The following LAMA1 variants were observed in gnomAD, a reference collection of about 807,000 sequenced individuals.
LAMA1 encodes laminin subunit alpha 1.
In LAMA1, 219 loss-of-function variants were observed where a neutral mutation model predicts 348.7. That is an observed-to-expected ratio of 0.63 (90% CI 0.56 to 0.70). LAMA1 has a LOEUF of 0.70. Ranked by LOEUF, LAMA1 falls within the 30% of genes least tolerant of loss-of-function variation. The pLI, the probability that LAMA1 is intolerant of heterozygous loss-of-function variation, is 0.00. For missense variants in LAMA1, 3,744 were observed against 3,888.0 expected (o/e 0.96, Z 0.99); for synonymous variants, 1,487 against 1,491.0 (o/e 1.00, Z 0.06).
chr18:6,985,065 TG>T (rs375079640), intron 39 of LAMA1, among the ~76,000 whole-genome samples, 171 bp downstream of exon 39: 87 of 152,334 alleles, frequency 5.7e-4, no homozygotes, highest in African/African-American at 2.0e-3. Context: ...TGTAGGCCAA[TG>T]GTAAACTATG....
intron 3 of LAMA1, among the ~76,000 whole-genome samples, chr18:7,074,631 T>C (rs2058159528): frequency 6.6e-6 from 1 of 152,186 alleles, no homozygotes; most frequent in Non-Finnish European, 1.5e-5. Context: ...TATATGTTAA[T>C]TTTGTATTTG....
At chr18:7,028,354 A>G (rs566074903) in intron 16 of LAMA1, among the ~76,000 whole-genome samples, 2 of 152,366 alleles carry the variant, frequency 1.3e-5, no homozygotes, top group African/African-American at 4.8e-5. Context: ...CAAAGTGTTC[A>G]AACCCAGGGA....
intron 32 of LAMA1, 46 bp downstream of exon 32, chr18:6,999,399 T>C: frequency 6.3e-7 from 1 of 1,598,328 alleles, no homozygotes; most frequent in Non-Finnish European, 8.6e-7. Context: ...CCCGACACAT[T>C]TGGGAGGAAA....
intron 61 of LAMA1, among the ~76,000 whole-genome samples, chr18:6,943,843 C>CAA (rs61710961): frequency 5.9e-4 from 37 of 63,134 alleles, no homozygotes; most frequent in South Asian, 2.2e-3. Flanking sequence ...AACTCCATCT[C>CAA]AAAAAAAAAA....
chr18:6,951,551 G>A (rs1163513259), intron 57 of LAMA1, among the ~76,000 whole-genome samples: 2 of 152,210 alleles, frequency 1.3e-5, no homozygotes, highest in Non-Finnish European at 2.9e-5. Context: ...GGCTTTGAGG[G>A]TGTTTGGATT....
rs760429743 is a variant in LAMA1 at position 7,007,243 on chromosome 18, G to C, written c.4156C>G (p.Pro1386Ala). 6.2e-7 allele frequency: 1 copy of C among 1,613,954 alleles called. No individual in the cohort carries two copies. Among genetic ancestry groups the C allele is most frequent in the Non-Finnish European group, 8.5e-7 (1 of 1,180,020 alleles). The change falls in exon 29 of 63, where the codon CCA becomes GCA. Residue 1386 changes from proline (P) to alanine (A), a missense_variant. Physicochemically the swap from Pro to Ala is conservative, Grantham distance 27. Coordinates refer to ENST00000389658, the MANE Select transcript of LAMA1 (RefSeq NM_005559.4). ...CGTGGTCCCCTGTCACTCCCTGCTG[G>C]GAGCTTCCCTCTGTGGTACCCAGGG... ...CAPGYHRGKL[P>A]AGSDRGPRPL... is the part of the protein sequence containing the mutation.
chr18:7,047,094 G>C (rs941865090), intron 5 of LAMA1, among the ~76,000 whole-genome samples: 10 of 150,652 alleles, frequency 6.6e-5, no homozygotes, highest in African/African-American at 2.5e-4. Flanking sequence ...ACCCAGGCTG[G>C]AGTGCAGTGG....
At chr18:7,094,616 A>C (rs1301197918) in intron 1 of LAMA1, among the ~76,000 whole-genome samples, 1 of 152,012 alleles carries the variant, frequency 6.6e-6, no homozygotes, top group African/African-American at 2.4e-5. Flanking sequence ...TCTTCATCCA[A>C]GTCTTGGAGA....
chr18:7,073,355 A>G (rs2058153680), intron 3 of LAMA1, among the ~76,000 whole-genome samples: 1 of 152,186 alleles, frequency 6.6e-6, no homozygotes, highest in South Asian at 2.1e-4. Flanking sequence ...GATCACTACC[A>G]TCTATCTCCA....
intron 1 of LAMA1, among the ~76,000 whole-genome samples, chr18:7,103,907 C>T (rs1459414180): frequency 6.6e-6 from 1 of 152,148 alleles, no homozygotes; most frequent in East Asian, 1.9e-4. Flanking sequence ...GATCTTCGCT[C>T]TGCTTCCTCA....
chr18:6,972,106 C>T (rs2057661216), intron 47 of LAMA1, 125 bp from the exon 48 acceptor site: 12 of 1,181,506 alleles, frequency 1.0e-5, no homozygotes, highest in Admixed American at 3.8e-5. Flanking sequence ...GAGAGAGCCA[C>T]ATTAGAAAAA....
rs553737907 is a variant in LAMA1 at position 7,015,978 on chromosome 18, G to A, written c.2990-120C>T. On this transcript the variant is annotated intron_variant, in intron 21 of 62. Transcript: ENST00000389658. ...GCCACTCTTCTCACTCCTAAAAGAC[G>A]CCTCACAATTCCCAAGACCCCTCCA... 39 of 1,225,226 alleles carry A rather than the reference G, an allele frequency of 3.2e-5. No homozygotes were observed. The South Asian group carries it at 3.7e-4, about 12-fold the overall frequency. The allele number at this position is 1,225,226 out of a possible 1,614,324, so 75.9% of individuals were successfully genotyped here.
In LAMA1 at chr18:6,961,627, C is replaced by T. The variant is rs373829095; in HGVS notation, c.7585G>A (p.Gly2529Arg). 2.4e-5 allele frequency: 38 copies of T among 1,613,964 alleles called. No homozygotes were observed. Among genetic ancestry groups the T allele is most frequent in the Admixed American group, 3.3e-5 (2 of 60,000 alleles). ...SSGIILAALG[G>R]DVEKRGDREE... Reference sequence around the variant, plus strand: ...CGATCACCCCGCTTCTCCACATCCCCGCCGAGGGCAGCCAGGATGATGCCA... The same window carrying T: ...CGATCACCCCGCTTCTCCACATCCCTGCCGAGGGCAGCCAGGATGATGCCA... The change falls in exon 53 of 63, where the codon GGG (glycine) becomes AGG (arginine). Residue 2529 changes from glycine to arginine, a missense_variant. Gly to Arg is a moderately radical substitution (Grantham distance 125). This residue lies in a region of LAMA1 where 1,983 missense variants were observed against 1,934.3 expected (regional missense o/e 1.03). Transcript: ENST00000389658.
intron 55 of LAMA1, among the ~76,000 whole-genome samples, chr18:6,957,874 G>A (rs908411433): frequency 3.3e-5 from 5 of 151,864 alleles, no homozygotes; most frequent in East Asian, 1.9e-4. Context: ...TCCGCCTCCC[G>A]GGTTCAAGTG....
intron 1 of LAMA1, among the ~76,000 whole-genome samples, chr18:7,110,074 G>A (rs148607125): frequency 0.014 from 2,166 of 151,976 alleles, 47 homozygotes; most frequent in African/African-American, 0.048. Context: ...CCAGCTACTC[G>A]GGAGGCTGAG....
intron 55 of LAMA1, chr18:6,957,012 T>G: frequency 2.1e-6 from 1 of 472,810 alleles, no homozygotes; most frequent in East Asian, 4.4e-5. Flanking sequence ...ACCCTGGCCA[T>G]TCCTGAGCAC....
chr18:7,078,525 T>A (rs1042223562), intron 3 of LAMA1, among the ~76,000 whole-genome samples: 4 of 152,192 alleles, frequency 2.6e-5, no homozygotes, highest in African/African-American at 9.7e-5. Context: ...TTAATTCATG[T>A]CTTATACCTG....
At chr18:6,956,965 T>G (rs2057581885) in intron 55 of LAMA1, 200 bp from the exon 56 acceptor site, 11 of 607,682 alleles carry the variant, frequency 1.8e-5, no homozygotes. Flanking sequence ...AAGCTTCTGC[T>G]TGCAATGGCA....
chr18:7,103,630 A>G lies in LAMA1; in HGVS notation c.61+14030T>C, dbSNP rs150151269. ...GGAGTTCCAGACCAGTCTGGCCAACATGGTGAAACCCCATCACTACTAAAA... is the reference window on the plus strand; with the variant it reads ...GGAGTTCCAGACCAGTCTGGCCAACGTGGTGAAACCCCATCACTACTAAAA... On this transcript the variant is annotated intron_variant, in intron 1 of 62. Coordinates refer to ENST00000389658, the MANE Select transcript of LAMA1 (RefSeq NM_005559.4). Among the ~76,000 whole-genome samples, 41 of 150,530 alleles carry G rather than the reference A, an allele frequency of 2.7e-4. No homozygotes were observed. The East Asian group carries it at 6.7e-3, about 25-fold the overall frequency.
Sources: allele counts gnomAD v4.1 joint callset (sites outside exome capture counted in the v4.1 genomes callset), GRCh38; gene constraint gnomAD v4.1.1; regional missense constraint gnomAD v4.1.1; transcripts MANE v1.5; gene names NCBI Gene and HGNC (gene_info 2026-07-23, HGNC 2026-07-21).